The following PTPRR variants were observed in gnomAD, a reference collection of about 807,000 sequenced individuals.
The protein encoded by PTPRR is receptor-type tyrosine-protein phosphatase R.
In PTPRR, 38 loss-of-function variants were observed where a neutral mutation model predicts 77.2. That is an observed-to-expected ratio of 0.49 (90% CI 0.38 to 0.65). The LOEUF is 0.65. Ranked by LOEUF, PTPRR falls within the 30% of genes least tolerant of loss-of-function variation. The pLI is 0.00. For synonymous variants in PTPRR, 299 were observed against 283.1 expected, an observed-to-expected ratio of 1.06 and a Z score of -0.57; for missense variants, 744 against 799.2, an observed-to-expected ratio of 0.93 and a Z score of 0.83.
At chr12:70,854,268 A>G (rs1403733342) in intron 2 of PTPRR, among the ~76,000 whole-genome samples, 1 of 152,210 alleles carries the variant, frequency 6.6e-6, no homozygotes, top group Non-Finnish European at 1.5e-5. Flanking sequence ...CTGGCAAAGA[A>G]GAGCAAAATT....
intron 2 of PTPRR, among the ~76,000 whole-genome samples, chr12:70,826,623 C>A (rs995006663): frequency 6.6e-6 from 1 of 152,164 alleles, no homozygotes; most frequent in Non-Finnish European, 1.5e-5. Context: ...CCTAGAAGCA[C>A]GTGTAAACTT....
chr12:70,650,240 C>G (rs12297202), intron 13 of PTPRR, among the ~76,000 whole-genome samples: 2 of 151,702 alleles, frequency 1.3e-5, no homozygotes, highest in African/African-American at 4.9e-5. Flanking sequence ...GTCAGGAGTT[C>G]GAGACCAGCC....
intron 10 of PTPRR, among the ~76,000 whole-genome samples, chr12:70,668,399 G>T (rs1887092370): frequency 6.6e-6 from 1 of 152,124 alleles, no homozygotes; most frequent in African/African-American, 2.4e-5. Flanking sequence ...TTACTATAAA[G>T]ATTAATTTTC....
At chr12:70,795,792 C>T (rs1001153312) in intron 2 of PTPRR, among the ~76,000 whole-genome samples, 1 of 151,732 alleles carries the variant, frequency 6.6e-6, no homozygotes, top group African/African-American at 2.4e-5. Flanking sequence ...GATGTGCATA[C>T]TTTACGGTGT....
intron 2 of PTPRR, among the ~76,000 whole-genome samples, chr12:70,888,817 G>A (rs987190625): frequency 6.6e-6 from 1 of 151,910 alleles, no homozygotes; most frequent in Non-Finnish European, 1.5e-5. Flanking sequence ...CAGACCTATT[G>A]TCCCTACTAT....
chr12:70,746,819 A>G (rs570671081), intron 5 of PTPRR, among the ~76,000 whole-genome samples: 1 of 152,092 alleles, frequency 6.6e-6, no homozygotes, highest in South Asian at 2.1e-4. Context: ...ACGAGATAGA[A>G]CTAGAAATGC....
intron 2 of PTPRR, among the ~76,000 whole-genome samples, chr12:70,851,527 C>T (rs1009360312): frequency 6.6e-6 from 1 of 152,034 alleles, no homozygotes; most frequent in African/African-American, 2.4e-5. Flanking sequence ...CTTTCACTGC[C>T]TATCTCTCCT....
chr12:70,829,617 AT>A (rs1192892797), intron 2 of PTPRR, among the ~76,000 whole-genome samples: 1 of 152,120 alleles, frequency 6.6e-6, no homozygotes, highest in East Asian at 1.9e-4. Flanking sequence ...AAACCAAGGG[AT>A]GTTATCATCA....
At chr12:70,760,266 C>CA (rs1325975266) in intron 4 of PTPRR, among the ~76,000 whole-genome samples, 1 of 152,190 alleles carries the variant, frequency 6.6e-6, no homozygotes, top group African/African-American at 2.4e-5. Flanking sequence ...CAAAGGCAGA[C>CA]AACCTCACAG....
At chr12:70,847,526 GC>G (rs1353211889) in intron 2 of PTPRR, among the ~76,000 whole-genome samples, 2 of 152,078 alleles carry the variant, frequency 1.3e-5, no homozygotes, top group African/African-American at 4.8e-5. Context: ...ATGTATAATT[GC>G]CACCTCCTTC....
chr12:70,663,069 A>AACAAACTTCAACAAACTTATGTCTAAC (rs1340197467), intron 10 of PTPRR, among the ~76,000 whole-genome samples: 1 of 152,228 alleles, frequency 6.6e-6, no homozygotes, highest in African/African-American at 2.4e-5. Context: ...GTCTAATGAG[A>AACAAACTTCAACAAACTTATGTCTAAC]ATATCTAATA....
chr12:70,864,339 C>T (rs906362251), intron 2 of PTPRR, among the ~76,000 whole-genome samples: 9 of 152,150 alleles, frequency 5.9e-5, no homozygotes, highest in African/African-American at 1.9e-4. Flanking sequence ...GGTTTCTGGT[C>T]AGCCAAAGAT....
intron 4 of PTPRR, among the ~76,000 whole-genome samples, chr12:70,758,514 T>C (rs1000823865): frequency 1.3e-5 from 2 of 152,188 alleles, no homozygotes; most frequent in Admixed American, 1.3e-4. Flanking sequence ...TAAAAGCTTA[T>C]GGGAAGCAGG....
intron 1 of PTPRR, among the ~76,000 whole-genome samples, chr12:70,907,429 C>A (rs2137132986): frequency 6.6e-6 from 1 of 152,274 alleles, no homozygotes; most frequent in Non-Finnish European, 1.5e-5. Flanking sequence ...TTACTTCTCC[C>A]TGTTTATCCA....
At chr12:70,648,035 C>T (rs979119135) in intron 13 of PTPRR, among the ~76,000 whole-genome samples, 2 of 152,142 alleles carry the variant, frequency 1.3e-5, no homozygotes, top group African/African-American at 4.8e-5. Context: ...CCCACTTAGG[C>T]TTCCCACTGC....
chr12:70,799,394 G>C (rs572133254), intron 2 of PTPRR, among the ~76,000 whole-genome samples: 2 of 152,046 alleles, frequency 1.3e-5, no homozygotes, highest in African/African-American at 2.4e-5. Context: ...TCCCAGAATC[G>C]CATGTTTATT....
In PTPRR at chr12:70,641,470, T is replaced by C. The variant is rs529608241; in HGVS notation, c.1881-2193A>G. The stretch of plus-strand genomic sequence containing the variant: ...CCCTAAGTGGGTCAGTGGTGTAATT[T>C]AATGGTTGGAGTATATTTACTATGA... On this transcript the variant is annotated intron_variant, in intron 13 of 13. Coordinates refer to ENST00000283228, the MANE Select transcript of PTPRR (RefSeq NM_002849.4). 5.3e-5 allele frequency among the ~76,000 whole-genome samples: 8 copies of C among 152,330 alleles called. No individual in the cohort carries two copies. In the East Asian group the frequency reaches 1.5e-3, roughly 29 times the overall value.
At chr12:70,645,761 G>T (rs976956345) in intron 13 of PTPRR, among the ~76,000 whole-genome samples, 3 of 152,062 alleles carry the variant, frequency 2.0e-5, no homozygotes, top group South Asian at 2.1e-4. Flanking sequence ...GATCAGTGTC[G>T]TCTCAGTCTC....
intron 3 of PTPRR, 152 bp downstream of exon 3, chr12:70,764,513 A>C: frequency 1.6e-6 from 1 of 634,876 alleles, no homozygotes; most frequent in Non-Finnish European, 2.8e-6. Context: ...GTAGATGAGC[A>C]GATATAGCTT....
Sources: gnomAD v4.1 joint callset for allele counts (sites outside exome capture counted in the v4.1 genomes callset) on GRCh38, gnomAD v4.1.1 for gene constraint, MANE v1.5 for transcripts, NCBI Gene and HGNC (gene_info 2026-07-23, HGNC 2026-07-21) for gene names.